Variants in ANKMY2 observed in about 807,000 individuals in gnomAD.
ANKMY2 encodes ankyrin repeat and MYND domain containing 2.
In ANKMY2, 36 loss-of-function variants were observed where a neutral mutation model predicts 50.4. That is an observed-to-expected ratio of 0.71 (90% CI 0.55 to 0.94). The LOEUF is 0.94. Among genes scored for constraint, ANKMY2 ranks in the 40% least tolerant of loss-of-function variants. The pLI is 0.00. For missense variants in ANKMY2, 565 were observed against 524.0 expected (o/e 1.08, Z -0.76); for synonymous variants, 187 against 178.8 (o/e 1.05, Z -0.36).
chr7:16,617,083 T>TC (rs1781366094), intron 4 of ANKMY2, among the ~76,000 whole-genome samples: 1 of 152,068 alleles, frequency 6.6e-6, no homozygotes. Flanking sequence ...AGAACTTTTT[T>TC]TTTTTATGGG....
At chr7:16,638,072 C>T (rs1781692124) in intron 1 of ANKMY2, among the ~76,000 whole-genome samples, 1 of 152,202 alleles carries the variant, frequency 6.6e-6, no homozygotes, top group African/African-American at 2.4e-5. Flanking sequence ...ACAAACTGTT[C>T]TCTCCTGCTT....
At chr7:16,614,322 C>G (rs980087345) in intron 5 of ANKMY2, among the ~76,000 whole-genome samples, 2 of 152,182 alleles carry the variant, frequency 1.3e-5, no homozygotes, top group Non-Finnish European at 2.9e-5. Flanking sequence ...CATGAGTATG[C>G]AGTTCACAAC....
At chr7:16,618,116 G>C (rs1177150292) in intron 4 of ANKMY2, among the ~76,000 whole-genome samples, 1 of 151,814 alleles carries the variant, frequency 6.6e-6, no homozygotes, top group Non-Finnish European at 1.5e-5. Flanking sequence ...TTTTCAGATG[G>C]GGTTTCACTA....
chr7:16,610,579 C>A lies in ANKMY2; in HGVS notation c.716G>T (p.Gly239Val). 6.2e-7 allele frequency: 1 copy of A among 1,613,650 alleles called. No homozygotes were observed. Residue 239 changes from glycine (G) to valine (V), a missense_variant, in exon 6 of 10, where the codon GGA becomes GTA. Coordinates refer to ENST00000306999, the MANE Select transcript of ANKMY2 (RefSeq NM_020319.3). Reference protein sequence around the residue: ...FQKCINFLKDGENKLDTLIKS... With the variant: ...FQKCINFLKDVENKLDTLIKS... The stretch of plus-strand genomic sequence containing the variant: ...GATCAAGGTGTCCAGTTTATTCTCT[C>A]CATCTTTTAAGAAGTTAATGCATTT...
At chr7:16,632,941 T>A (rs1781608937) in intron 2 of ANKMY2, among the ~76,000 whole-genome samples, 1 of 152,232 alleles carries the variant, frequency 6.6e-6, no homozygotes, top group East Asian at 1.9e-4. Context: ...ATTATAGCTA[T>A]CCTGGTGGAT....
At chr7:16,643,785 G>A (rs1259060285) in intron 1 of ANKMY2, among the ~76,000 whole-genome samples, 1 of 151,020 alleles carries the variant, frequency 6.6e-6, no homozygotes, top group African/African-American at 2.5e-5. Context: ...TAGGGAGGCC[G>A]AGGCAGGAGG....
intron 2 of ANKMY2, among the ~76,000 whole-genome samples, chr7:16,632,191 A>G (rs1385584260): frequency 6.9e-6 from 1 of 144,632 alleles, no homozygotes; most frequent in Non-Finnish European, 1.5e-5. Flanking sequence ...AGCTGTATCT[A>G]TATTTTGGTT....
At position 16,610,722 on chromosome 7, in the gene ANKMY2, T is replaced by C. The variant is rs201222815; in HGVS notation, c.573A>G (p.Glu191=). 19 of 1,613,980 alleles carry C rather than the reference T, an allele frequency of 1.2e-5. No individual in the cohort carries two copies. The East Asian group carries it at 4.2e-4, about 36-fold the overall frequency. The stretch of plus-strand genomic sequence containing the variant: ...CTCTGTAGCATTTATTCAGGGCTGC[T>C]TCTTCTGTCAGCAGAGGATTCTCAT... The part of the protein sequence containing the change: ...LVNENPLLTE[E]AALNKCYRVM... The change falls in exon 6 of 10, where the codon GAA becomes GAG. Residue 191 remains glutamate, a synonymous_variant. Coordinates refer to ENST00000306999, the MANE Select transcript of ANKMY2 (RefSeq NM_020319.3).
intron 4 of ANKMY2, among the ~76,000 whole-genome samples, chr7:16,616,431 C>T (rs922970982): frequency 1.3e-5 from 2 of 151,894 alleles, no homozygotes; most frequent in Non-Finnish European, 2.9e-5. Flanking sequence ...AAGGCTTTCG[C>T]TCCCATAAGC....
chr7:16,643,836 T>C (rs1358422151), intron 1 of ANKMY2, among the ~76,000 whole-genome samples: 24 of 134,094 alleles, frequency 1.8e-4, no homozygotes, highest in African/African-American at 3.5e-4. Context: ...CTGGGCAACA[T>C]AGGGAGACCC....
intron 4 of ANKMY2, among the ~76,000 whole-genome samples, chr7:16,621,775 C>G (rs557251711): frequency 6.6e-6 from 1 of 152,194 alleles, no homozygotes; most frequent in African/African-American, 2.4e-5. Context: ...TCGAGACCAG[C>G]CTGGCCAACA....
intron 2 of ANKMY2, 88 bp from the exon 3 acceptor site, chr7:16,627,266 C>T (rs1210056236): frequency 1.3e-5 from 10 of 751,192 alleles, no homozygotes; most frequent in East Asian, 3.0e-5. Flanking sequence ...AAACATAAAA[C>T]GAATATGAAC....
chr7:16,639,758 G>A (rs577068940), intron 1 of ANKMY2, among the ~76,000 whole-genome samples: 1 of 152,134 alleles, frequency 6.6e-6, no homozygotes, highest in Non-Finnish European at 1.5e-5. Flanking sequence ...ATCCAGCCTA[G>A]GCAATAAAGT....
At chr7:16,608,740 G>T (rs1781198827) in intron 7 of ANKMY2, among the ~76,000 whole-genome samples, 1 of 152,166 alleles carries the variant, frequency 6.6e-6, no homozygotes, top group Non-Finnish European at 1.5e-5. Context: ...AGTGGGTCAT[G>T]CCTGTAATCC....
At chr7:16,601,041 A>G (rs1408522319) in intron 9 of ANKMY2, 96 bp from the exon 10 acceptor site, 1 of 936,964 alleles carries the variant, frequency 1.1e-6, no homozygotes, top group Non-Finnish European at 1.5e-6. Context: ...TATCAACTAC[A>G]TGAGGTATAT....
intron 2 of ANKMY2, among the ~76,000 whole-genome samples, chr7:16,632,136 C>T (rs1781596379): frequency 6.8e-6 from 1 of 147,978 alleles, no homozygotes; most frequent in African/African-American, 2.5e-5. Flanking sequence ...TTCCTTCCTT[C>T]CTCCTTACTG....
Position 16,615,742 on chromosome 7 carries a change from A to G in ANKMY2, c.531+2T>C, listed in dbSNP as rs1321567185. 6.2e-7 allele frequency: 1 copy of G among 1,614,138 alleles called. No individual in the cohort carries two copies. The highest frequency in any genetic ancestry group is 8.5e-7 in the Non-Finnish European group (1 of 1,180,030). The stretch of plus-strand genomic sequence containing the variant: ...AAGCAAATACGGTAGACACCACACT[A>G]CCTTGACAGGATGAAGATTCGTTGT... On this transcript the variant is annotated splice_donor_variant, in intron 5 of 9. Transcript: ENST00000306999. LOFTEE classifies it high-confidence loss of function.
intron 8 of ANKMY2, chr7:16,603,546 T>C: frequency 4.4e-6 from 2 of 456,304 alleles, no homozygotes; most frequent in Non-Finnish European, 9.2e-6. Flanking sequence ...ATTAAACACT[T>C]ACTGTATGCC....
intron 1 of ANKMY2, among the ~76,000 whole-genome samples, chr7:16,645,079 G>A (rs1195088403): frequency 6.6e-6 from 1 of 152,090 alleles, no homozygotes; most frequent in African/African-American, 2.4e-5. Flanking sequence ...ATCGGCAAAG[G>A]ATCCAGATCA....
Sources: allele counts gnomAD v4.1 joint callset (sites outside exome capture counted in the v4.1 genomes callset), GRCh38; gene constraint gnomAD v4.1.1; transcripts MANE v1.5; gene names NCBI Gene and HGNC (gene_info 2026-07-23, HGNC 2026-07-21).